Variants in ZNF567 observed in about 807,000 individuals in gnomAD.
The protein encoded by ZNF567 is zinc finger protein 567.
ZNF567 carries 36 observed loss-of-function variants against 53.9 expected under a neutral mutation model. That is an observed-to-expected ratio of 0.67 (90% CI 0.51 to 0.88). The LOEUF is 0.88. ZNF567 is among the 40% of genes least tolerant of loss of function. The pLI is 0.00. For synonymous variants in ZNF567, 224 were observed against 260.4 expected (o/e 0.86, Z 1.35); for missense variants, 619 against 764.7 (o/e 0.81, Z 2.25).
rs762202243 is a variant in ZNF567, at chr19:36,693,224, C to T, written c.-66-1578C>T. ...GATCACTTGAGCCCAGTGAGGCCGA[C>T]GCTGCAATGAGCGGTGATAGGCCAC... On this transcript the variant is annotated intron_variant, in intron 2 of 5. Coordinates refer to ENST00000682579, the MANE Select transcript of ZNF567 (RefSeq NM_001322917.1). Among the ~76,000 whole-genome samples the T allele has an allele frequency of 3.3e-5, 5 of 152,058 alleles. 1 individual carries two copies. Among genetic ancestry groups the T allele is most frequent in the East Asian group, 3.9e-4 (2 of 5,186 alleles).
intron 5 of ZNF567, among the ~76,000 whole-genome samples, chr19:36,713,812 G>A (rs2039909376): frequency 6.6e-6 from 1 of 152,160 alleles, no homozygotes; most frequent in African/African-American, 2.4e-5. Flanking sequence ...GCACATGCCT[G>A]TAATCCCAGC....
chr19:36,706,994 T>C (rs2039531499), intron 3 of ZNF567, among the ~76,000 whole-genome samples: 1 of 152,202 alleles, frequency 6.6e-6, no homozygotes, highest in African/African-American at 2.4e-5. Context: ...TTAACGTTTA[T>C]AGTTAATCTG....
At position 36,718,987 on chromosome 19, in the gene ZNF567, A is replaced by G. The variant is rs770170016; in HGVS notation, c.263A>G (p.Lys88Arg). The G allele has an allele frequency of 4.4e-6, 7 of 1,574,800 alleles. No individual in the cohort carries two copies. The highest frequency in any genetic ancestry group is 3.6e-5 in the South Asian group (3 of 83,764). The change falls in exon 6 of 6, where the codon AAG (lysine) becomes AGG (arginine). Residue 88 changes from lysine (K) to arginine (R), a missense_variant. Physicochemically the swap from Lys to Arg is conservative, Grantham distance 26. Transcript: ENST00000682579. ...GCTGAAGACTTTTTAGTGAAATTCA[A>G]GGAACACCAAGAGAAGTATTCTAGA... ...WKAEDFLVKF[K>R]EHQEKYSRSV...
At chr19:36,698,984 G>A (rs1432150168) in intron 3 of ZNF567, among the ~76,000 whole-genome samples, 1 of 152,132 alleles carries the variant, frequency 6.6e-6, no homozygotes, top group East Asian at 1.9e-4. Flanking sequence ...TTTTAGTCAT[G>A]GAGTCCTTGC....
At chr19:36,685,921 C>T (rs993603073), upstream of ZNF567, 1 of 152,232 alleles carries the variant, frequency 6.6e-6, no homozygotes. Flanking sequence ...AGATGGTCTC[C>T]CTGAAATTTC....
downstream of ZNF567, among the ~76,000 whole-genome samples, chr19:36,725,356 C>G (rs2040331559): frequency 2.6e-5 from 4 of 152,068 alleles, no homozygotes; most frequent in Admixed American, 6.6e-5. Flanking sequence ...GTGCATGCCA[C>G]CACACCCGGC....
At chr19:36,696,567 C>T (rs2038901448) in intron 3 of ZNF567, among the ~76,000 whole-genome samples, 2 of 152,140 alleles carry the variant, frequency 1.3e-5, no homozygotes, top group South Asian at 4.1e-4. Context: ...CCTGCCAATA[C>T]AGCCAACATG....
chr19:36,676,262 C>CAA, the ZNF567 span, among the ~76,000 whole-genome samples: 3 of 151,412 alleles, frequency 2.0e-5, no homozygotes, highest in East Asian at 5.8e-4. Flanking sequence ...GACGGGGTTT[C>CAA]ACCATATTGG....
At chr19:36,721,732 CTTTTTTTTTTTCTT>C (rs1417148196), downstream of ZNF567, among the ~76,000 whole-genome samples, 5,529 of 121,658 alleles carry the variant, frequency 0.045, 396 homozygotes, top group African/African-American at 0.16. Flanking sequence ...GTACCAGAGT[CTTTTTTTTTTTCTT>C]TTTTTTTTTT....
In ZNF567 at chr19:36,719,480, A is replaced by C; in HGVS notation, c.756A>C (p.Lys252Asn). The change falls in exon 6 of 6, where the codon AAA becomes AAC. Residue 252 changes from lysine to asparagine, a missense_variant. Lys to Asn is a moderately conservative substitution (Grantham distance 94). Coordinates refer to ENST00000682579, the MANE Select transcript of ZNF567 (RefSeq NM_001322917.1). Reference protein sequence around the residue: ...KKRRATNIEKKHTCNECGKSF... With the variant: ...KKRRATNIEKNHTCNECGKSF... ...GAAGAGCAACCAATATTGAAAAAAA[A>C]CATACATGCAATGAATGTGGGAAAT... 1 of 1,611,076 alleles carries C rather than the reference A, an allele frequency of 6.2e-7. No homozygotes were observed. The highest frequency in any genetic ancestry group is 1.1e-5 in the South Asian group (1 of 90,144).
At chr19:36,707,651 C>T (rs1305697201) in intron 3 of ZNF567, among the ~76,000 whole-genome samples, 1 of 152,146 alleles carries the variant, frequency 6.6e-6, no homozygotes, top group East Asian at 1.9e-4. Flanking sequence ...GATCTCAGCT[C>T]ACTGCAACCT....
chr19:36,716,715 A>G (rs1254147527), intron 5 of ZNF567, among the ~76,000 whole-genome samples: 1 of 152,230 alleles, frequency 6.6e-6, no homozygotes, highest in Non-Finnish European at 1.5e-5. Flanking sequence ...CAGAAAGCAT[A>G]TACTAGCAAG....
Position 36,719,920 on chromosome 19 carries a change from G to C in ZNF567, c.1196G>C (p.Gly399Ala). The C allele has an allele frequency of 6.2e-7, 1 of 1,610,816 alleles. No individual in the cohort carries two copies. Among genetic ancestry groups the C allele is most frequent in the Non-Finnish European group, 8.5e-7 (1 of 1,177,844 alleles). ...GEKPYICKEC[G>A]KSFHQKANLT... ...AAACCCTACATTTGTAAAGAATGTG[G>C]GAAGTCCTTTCACCAGAAGGCAAAT... The change falls in exon 6 of 6, where the codon GGG (glycine) becomes GCG (alanine). Residue 399 changes from glycine to alanine, a missense_variant. Transcript: ENST00000682579.
chr19:36,688,217 G>T (rs895753878), intron 1 of ZNF567, among the ~76,000 whole-genome samples: 1 of 152,148 alleles, frequency 6.6e-6, no homozygotes, highest in Non-Finnish European at 1.5e-5. Context: ...CGACGTGGGG[G>T]CCTATGGGAT....
chr19:36,725,050 A>G (rs1474375125), downstream of ZNF567, among the ~76,000 whole-genome samples: 1 of 152,042 alleles, frequency 6.6e-6, no homozygotes, highest in African/African-American at 2.4e-5. Flanking sequence ...TGGGATTGAG[A>G]GTTGTTCCTT....
downstream of ZNF567, among the ~76,000 whole-genome samples, chr19:36,726,631 C>T (rs895076331): frequency 6.6e-6 from 1 of 152,210 alleles, no homozygotes; most frequent in African/African-American, 2.4e-5. Flanking sequence ...CTTCCATATA[C>T]ACCACAGAGG....
the ZNF567 span, among the ~76,000 whole-genome samples, chr19:36,676,055 C>T: frequency 3.3e-5 from 2 of 60,598 alleles, no homozygotes; most frequent in Non-Finnish European, 6.1e-5. Flanking sequence ...TATTCTACAC[C>T]TTTTTTTTTT....
the ZNF567 span, chr19:36,669,472 G>C: frequency 6.6e-6 from 1 of 152,214 alleles, no homozygotes; most frequent in East Asian, 1.9e-4. Flanking sequence ...ATACGTTACA[G>C]TGGGGAAAAT....
downstream of ZNF567, chr19:36,726,997 T>TCTTC (rs2040337539): frequency 1.1e-5 from 1 of 90,788 alleles, no homozygotes; most frequent in Non-Finnish European, 2.2e-5. Flanking sequence ...TTTCTTTCTT[T>TCTTC]CTTTCTTTCT....
Sources: allele counts gnomAD v4.1 joint callset (sites outside exome capture counted in the v4.1 genomes callset), GRCh38; gene constraint gnomAD v4.1.1; transcripts MANE v1.5; gene names NCBI Gene and HGNC (gene_info 2026-07-23, HGNC 2026-07-21).